Variants in USP36 observed in about 807,000 individuals in gnomAD.
The protein encoded by USP36 is ubiquitin carboxyl-terminal hydrolase 36.
Under a neutral mutation model 111.5 loss-of-function variants are expected in USP36, and 59 were observed. The observed-to-expected ratio is 0.53, with a 90% CI of 0.43 to 0.66. USP36 has a LOEUF of 0.66. Among genes scored for constraint, USP36 ranks in the 30% least tolerant of loss-of-function variants. USP36 has a pLI of 0.00. For missense variants in USP36, 1,488 were observed against 1,468.0 expected, an observed-to-expected ratio of 1.01 and a Z score of -0.22; for synonymous variants, 628 against 581.0, an observed-to-expected ratio of 1.08 and a Z score of -1.16.
At chr17:78,799,630 T>C (rs1252443046) in intron 18 of USP36, 37 bp downstream of exon 18, 1 of 1,599,838 alleles carries the variant, frequency 6.3e-7, no homozygotes, top group Non-Finnish European at 8.5e-7. Context: ...AACCAACCAA[T>C]GAAAGGCAAA....
At chr17:78,826,126 T>G (rs188288464) in intron 6 of USP36, among the ~76,000 whole-genome samples, 38 of 152,180 alleles carry the variant, frequency 2.5e-4, no homozygotes, top group African/African-American at 9.2e-4. Flanking sequence ...CAAGGAAGCT[T>G]GAGCCCCTTC....
At chr17:78,804,438 C>G (rs8079955) in intron 15 of USP36, among the ~76,000 whole-genome samples, 1 of 137,984 alleles carries the variant, frequency 7.2e-6, no homozygotes, top group Non-Finnish European at 1.5e-5. Context: ...CCAGCCTGGG[C>G]GACAAAGCAA....
At chr17:78,818,881 GTGGAATCTTCATCAA>G (rs2094251028) in intron 9 of USP36, 103 bp from the exon 10 acceptor site, 1 of 1,170,574 alleles carries the variant, frequency 8.5e-7, no homozygotes, top group African/African-American at 1.5e-5. Flanking sequence ...CTCTGTAATA[GTGGAATCTTCATCAA>G]TGAGATTTCG....
chr17:78,841,337 A>C (rs545491683), upstream of USP36: 10 of 152,448 alleles, frequency 6.6e-5, no homozygotes, highest in Non-Finnish European at 1.5e-5. Context: ...CTCTGGGGCC[A>C]TCCGTGACTC....
intron 14 of USP36, 73 bp downstream of exon 14, chr17:78,806,886 C>G: frequency 6.4e-7 from 1 of 1,555,040 alleles, no homozygotes; most frequent in Non-Finnish European, 8.7e-7. Context: ...GTTCTCACTC[C>G]CTTCAAACCA....
At chr17:78,805,172 T>C (rs1453021819) in intron 15 of USP36, among the ~76,000 whole-genome samples, 1 of 151,964 alleles carries the variant, frequency 6.6e-6, no homozygotes, top group African/African-American at 2.4e-5. Context: ...CCTCCCAGGG[T>C]TCCTGCAGAA....
chr17:78,820,482 A>G (rs2145384518), intron 8 of USP36, among the ~76,000 whole-genome samples: 1 of 152,310 alleles, frequency 6.6e-6, no homozygotes, highest in African/African-American at 2.4e-5. Flanking sequence ...TATAAAAAAA[A>G]AGCAAAGCAA....
chr17:78,810,727 T>C (rs993951964), intron 13 of USP36, among the ~76,000 whole-genome samples: 34 of 152,292 alleles, frequency 2.2e-4, no homozygotes, highest in African/African-American at 7.5e-4. Context: ...TGTACGTAAA[T>C]GACCAAAACC....
chr17:78,833,986 C>G (rs1037677377), intron 4 of USP36, among the ~76,000 whole-genome samples: 2 of 152,156 alleles, frequency 1.3e-5, no homozygotes, highest in Non-Finnish European at 2.9e-5. Flanking sequence ...GTGGTTCACA[C>G]CTGTAATCCC....
chr17:78,831,749 C>A (rs975992777), intron 4 of USP36, among the ~76,000 whole-genome samples: 1 of 151,834 alleles, frequency 6.6e-6, no homozygotes, highest in Non-Finnish European at 1.5e-5. Flanking sequence ...TGAGACCAGC[C>A]TGGGCAACAC....
In USP36 at chr17:78,798,453, T is replaced by C. The variant is rs1332647001; in HGVS notation, c.3339A>G (p.Pro1113=). Residue 1113 remains proline (P), a synonymous_variant, in exon 20 of 21, where the codon CCA becomes CCG. Transcript: ENST00000449938. This position sits in a 1 kb window ranked among gnomAD's most constrained non-coding sequence, Gnocchi z 5.1. The part of the protein sequence containing the change: ...TRRNFWSVTH[P]AKAASLSYRR ...GATAGCTGAGGCTGGCAGCCTTTGC[T>C]GGGTGAGTCACAGACCAGAAGTTCC... The C allele has an allele frequency of 2.5e-6, 4 of 1,614,212 alleles. No homozygotes were observed. The highest frequency in any genetic ancestry group is 2.2e-5 in the South Asian group (2 of 91,084).
chr17:78,823,124 C>T (rs2094370653), intron 6 of USP36: 4 of 398,798 alleles, frequency 1.0e-5, no homozygotes, highest in South Asian at 1.3e-4. Flanking sequence ...ATGGCACTTC[C>T]CAGACTCCGG....
At chr17:78,791,905 C>A (rs555353659), downstream of USP36, 1 of 152,240 alleles carries the variant, frequency 6.6e-6, no homozygotes, top group Non-Finnish European at 1.5e-5. Context: ...ACTGAGGGGG[C>A]ACCTCTTTCA....
intron 3 of USP36, 48 bp downstream of exon 3, chr17:78,836,063 G>C: frequency 6.3e-7 from 1 of 1,593,006 alleles, no homozygotes; most frequent in Non-Finnish European, 8.6e-7. Flanking sequence ...CATCCACTTC[G>C]TCACCCCGGA....
In USP36 at chr17:78,818,679, C is replaced by T. The variant is rs749227575; in HGVS notation, c.1011G>A (p.Gly337=). The change falls in exon 10 of 21, where the codon GGG becomes GGA. Residue 337 remains glycine, a synonymous_variant. Coordinates refer to ENST00000449938, the MANE Select transcript of USP36 (RefSeq NM_001385174.1). The stretch of plus-strand genomic sequence containing the variant: ...CACGAGCGCTCACCTTGGTGATCTT[C>T]CCCCCGCTGAAGTTGGCAAAGCGCT... The part of the protein sequence containing the change: ...SLKRFANFSG[G]KITKDVGYPE... 1.2e-5 allele frequency: 19 copies of T among 1,613,464 alleles called. No individual in the cohort carries two copies. The highest frequency in any genetic ancestry group is 1.7e-5 in the Admixed American group (1 of 59,966).
At chr17:78,810,344 G>A (rs192465633) in intron 13 of USP36, among the ~76,000 whole-genome samples, 11 of 152,250 alleles carry the variant, frequency 7.2e-5, no homozygotes, top group Admixed American at 2.6e-4. Context: ...CTGGTGTGGA[G>A]TGGTATGATC....
At chr17:78,793,285 A>G (rs74001246), downstream of USP36, among the ~76,000 whole-genome samples, 639 of 152,226 alleles carry the variant, frequency 4.2e-3, 6 homozygotes, top group African/African-American at 0.015. Context: ...CACATATGCA[A>G]TGAGAGAGCA....
chr17:78,812,938 G>A lies in USP36; in HGVS notation c.1329C>T (p.Pro443=), dbSNP rs75321857. 9.2e-4 allele frequency: 1,480 copies of A among 1,614,028 alleles called. 10 individuals are homozygous for A. The African/African-American group carries it at 0.016, about 17-fold the overall frequency. Residue 443 remains proline (P), a synonymous_variant, in exon 13 of 21, where the codon CCC becomes CCT. Transcript: ENST00000449938. The part of the protein sequence containing the change: ...LISRTGSSSL[P]GRPSVIPDHS... ...GATCTGGAATCACACTCGGGCGGCCGGGAAGGGAGGAGGAGCCTGTCCTGG... is the reference window on the plus strand; with the variant it reads ...GATCTGGAATCACACTCGGGCGGCCAGGAAGGGAGGAGGAGCCTGTCCTGG...
intron 4 of USP36, among the ~76,000 whole-genome samples, chr17:78,830,495 G>T: frequency 6.6e-6 from 1 of 152,160 alleles, no homozygotes; most frequent in East Asian, 1.9e-4. Context: ...GAGCACATGG[G>T]TCAGTTTCTC....
Sources: allele counts gnomAD v4.1 joint callset (sites outside exome capture counted in the v4.1 genomes callset), GRCh38; gene constraint gnomAD v4.1.1; non-coding constraint Gnocchi (gnomAD v3.1); transcripts MANE v1.5; gene names NCBI Gene and HGNC (gene_info 2026-07-23, HGNC 2026-07-21).